AGBL1: variants seen among roughly 807,000 people sequenced by gnomAD.
The protein encoded by AGBL1 is cytosolic carboxypeptidase 4.
AGBL1 carries 130 observed loss-of-function variants against 118.9 expected under a neutral mutation model. That is an observed-to-expected ratio of 1.09 (90% CI 0.95 to 1.26). The LOEUF (loss-of-function observed/expected upper bound fraction) is 1.26. Among genes scored for constraint, AGBL1 ranks in the 50% most tolerant of loss-of-function variants. The pLI, the probability that AGBL1 is intolerant of heterozygous loss-of-function variation, is 0.00. For missense variants in AGBL1, 1,584 were observed against 1,298.1 expected (o/e 1.22, Z -3.38); for synonymous variants, 555 against 478.9 (o/e 1.16, Z -2.08).
At chr15:87,004,173 T>C (rs896616766) in intron 24 of AGBL1, among the ~76,000 whole-genome samples, 2 of 152,198 alleles carry the variant, frequency 1.3e-5, no homozygotes, top group African/African-American at 4.8e-5. Context: ...GTGTCTTTGT[T>C]CTCACTGGTT....
chr15:86,790,264 C>A (rs900294357), intron 22 of AGBL1, among the ~76,000 whole-genome samples: 2 of 151,936 alleles, frequency 1.3e-5, no homozygotes, highest in African/African-American at 4.8e-5. Flanking sequence ...CATTATCAAC[C>A]TGAGGAAAGG....
chr15:86,990,737 T>C (rs1274968542), intron 24 of AGBL1, among the ~76,000 whole-genome samples: 1 of 152,120 alleles, frequency 6.6e-6, no homozygotes, highest in Non-Finnish European at 1.5e-5. Flanking sequence ...TTAAAGAGTC[T>C]CAGGGAGTTA....
At chr15:86,723,182 C>T (rs139660146) in intron 22 of AGBL1, among the ~76,000 whole-genome samples, 1,861 of 152,276 alleles carry the variant, frequency 0.012, 26 homozygotes, top group East Asian at 0.067. Flanking sequence ...ATAAATCATG[C>T]TGTTATAAAG....
intron 22 of AGBL1, among the ~76,000 whole-genome samples, chr15:86,869,272 C>A (rs1208467722): frequency 6.6e-6 from 1 of 152,132 alleles, no homozygotes; most frequent in African/African-American, 2.4e-5. Flanking sequence ...CCCACCGTGT[C>A]TTCCCAGTGG....
chr15:86,478,335 A>G (rs936327367), intron 18 of AGBL1, among the ~76,000 whole-genome samples: 1 of 152,234 alleles, frequency 6.6e-6, no homozygotes, highest in Non-Finnish European at 1.5e-5. Flanking sequence ...AGAAAACCCC[A>G]TTGTCTCAGC....
intron 22 of AGBL1, among the ~76,000 whole-genome samples, chr15:86,900,332 C>T (rs192163508): frequency 7.1e-4 from 108 of 152,268 alleles, no homozygotes; most frequent in African/African-American, 2.1e-3. Flanking sequence ...GACTAATACA[C>T]GTATGTTTCT....
intron 19 of AGBL1, among the ~76,000 whole-genome samples, chr15:86,537,948 C>G (rs1017779437): frequency 2.0e-5 from 3 of 152,126 alleles, no homozygotes; most frequent in African/African-American, 7.2e-5. Context: ...AAAACAAAGC[C>G]ACATATTAGA....
rs139831044 is a variant in AGBL1, at chr15:86,319,743, G to GTTTTTTTTTTTTTTTTTTTTTTTTT, written c.2374+24347_2374+24371dup. Among the ~76,000 whole-genome samples, 4 of 47,230 alleles carry GTTTTTTTTTTTTTTTTTTTTTTTTT rather than the reference G, an allele frequency of 8.5e-5. 1 individual carries two copies. Among genetic ancestry groups the GTTTTTTTTTTTTTTTTTTTTTTTTT allele is most frequent in the South Asian group, 1.1e-3 (1 of 876 alleles). 31.0% of individuals were successfully genotyped at this position (47,230 alleles called of 152,430 possible). A position where few individuals can be genotyped will look rare whatever the true frequency, so the allele number is the denominator to read the frequency against. On this transcript the variant is annotated intron_variant, in intron 17 of 22. Transcript: ENST00000614907. The stretch of plus-strand genomic sequence containing the variant: ...TGTACTTTGTTTTGCCTCTTTGGTA[G>GTTTTTTTTTTTTTTTTTTTTTTTTT]TTTTTTTTTTTTTTTTTTTTTTTTT...
intron 18 of AGBL1, among the ~76,000 whole-genome samples, chr15:86,491,375 G>A (rs1014548696): frequency 1.3e-5 from 2 of 152,126 alleles, no homozygotes; most frequent in South Asian, 4.1e-4. Context: ...TGCATGTGAG[G>A]ACCAGGTCAT....
At chr15:86,867,066 G>A (rs553843202) in intron 22 of AGBL1, among the ~76,000 whole-genome samples, 1 of 152,294 alleles carries the variant, frequency 6.6e-6, no homozygotes, top group Non-Finnish European at 1.5e-5. Context: ...GTGGCATGGA[G>A]TTTGGGAGTG....
chr15:86,297,768 T>C (rs150339130), intron 17 of AGBL1, among the ~76,000 whole-genome samples: 17 of 152,254 alleles, frequency 1.1e-4, no homozygotes, highest in African/African-American at 4.1e-4. Context: ...CTCAGAAAGG[T>C]TAAATACTAT....
intron 19 of AGBL1, among the ~76,000 whole-genome samples, chr15:86,527,308 T>C (rs535297544): frequency 1.4e-4 from 21 of 152,326 alleles, no homozygotes; most frequent in African/African-American, 4.8e-4. Context: ...CAACCTCTAA[T>C]TGAAGAGCAG....
chr15:86,122,592 C>T (rs745742736), intron 1 of AGBL1, among the ~76,000 whole-genome samples: 1 of 152,104 alleles, frequency 6.6e-6, no homozygotes, highest in Non-Finnish European at 1.5e-5. Context: ...TCTGAAGATC[C>T]ATAATCCTCA....
intron 17 of AGBL1, among the ~76,000 whole-genome samples, chr15:86,330,575 GA>G (rs1274345402): frequency 6.6e-6 from 1 of 152,196 alleles, no homozygotes. Context: ...TGAAAAATCT[GA>G]ATGTAGTGAT....
intron 11 of AGBL1, among the ~76,000 whole-genome samples, chr15:86,265,133 A>G (rs901160516): frequency 6.6e-6 from 1 of 152,222 alleles, no homozygotes; most frequent in Non-Finnish European, 1.5e-5. Context: ...AAGAAAGATC[A>G]TCCAGTTTTT....
intron 24 of AGBL1, among the ~76,000 whole-genome samples, chr15:87,012,192 TACACACACACACACACACACACAC>T (rs57985975): frequency 7.0e-6 from 1 of 142,680 alleles, no homozygotes; most frequent in African/African-American, 2.5e-5. Flanking sequence ...TACAAATTTA[TACACACACACACACACACACACAC>T]ACACACACAC....
chr15:86,662,497 A>G (rs969293404), intron 21 of AGBL1, among the ~76,000 whole-genome samples: 3 of 152,244 alleles, frequency 2.0e-5, no homozygotes, highest in African/African-American at 7.2e-5. Flanking sequence ...TACTCCCTTT[A>G]TGCTACTTAA....
chr15:86,749,626 A>G (rs2077815431), intron 22 of AGBL1, among the ~76,000 whole-genome samples: 2 of 152,208 alleles, frequency 1.3e-5, no homozygotes, highest in African/African-American at 4.8e-5. Context: ...TTGCCCATTC[A>G]GTTTGATATT....
At chr15:87,002,233 G>A (rs2081447670) in intron 24 of AGBL1, among the ~76,000 whole-genome samples, 2 of 151,998 alleles carry the variant, frequency 1.3e-5, no homozygotes, top group Admixed American at 6.6e-5. Context: ...TATTAAATAG[G>A]GAATCCTTCC....
Sources: allele counts gnomAD v4.1 joint callset (sites outside exome capture counted in the v4.1 genomes callset), GRCh38; gene constraint gnomAD v4.1.1; transcripts MANE v1.5; gene names NCBI Gene and HGNC (gene_info 2026-07-23, HGNC 2026-07-21).